The following NBAS variants were observed in gnomAD, a reference collection of about 807,000 sequenced individuals.
NBAS encodes NAG/BC035112 fusion.
Under a neutral mutation model 302.5 loss-of-function variants are expected in NBAS, and 219 were observed. The observed-to-expected ratio is 0.72, with a 90% confidence interval of 0.65 to 0.81. The LOEUF (loss-of-function observed/expected upper bound fraction) is 0.81, where lower values mean the gene tolerates loss of function less well. NBAS is among the 30% of genes least tolerant of loss of function. The pLI is 0.00. For missense variants in NBAS, 2,932 were observed against 2,841.6 expected (o/e 1.03, Z -0.72); for synonymous variants, 1,118 against 1,021.6 (o/e 1.09, Z -1.80).
chr2:15,476,334 T>C (rs1549015), intron 13 of NBAS, among the ~76,000 whole-genome samples: 92,170 of 151,864 alleles, frequency 0.61, 28,924 homozygotes, highest in Non-Finnish European at 0.68. Flanking sequence ...AAGACAGATA[T>C]GTAATAGTTT....
chr2:14,925,094 C>G, the NBAS span, among the ~76,000 whole-genome samples: 1 of 152,164 alleles, frequency 6.6e-6, no homozygotes, highest in Non-Finnish European at 1.5e-5. Flanking sequence ...GGTGTGTTCC[C>G]CAAGGAATTT....
the NBAS span, among the ~76,000 whole-genome samples, chr2:14,964,943 A>G: frequency 6.6e-6 from 1 of 152,170 alleles, no homozygotes; most frequent in Admixed American, 6.5e-5. Flanking sequence ...ATACCATATA[A>G]TCAAAGAATA....
intron 25 of NBAS, among the ~76,000 whole-genome samples, chr2:15,404,669 C>A (rs929333367): frequency 5.3e-5 from 8 of 151,974 alleles, no homozygotes; most frequent in African/African-American, 1.7e-4. Flanking sequence ...CCCACAATCA[C>A]ATCTGGCTAA....
the NBAS span, among the ~76,000 whole-genome samples, chr2:14,966,132 A>G: frequency 6.6e-6 from 1 of 152,212 alleles, no homozygotes; most frequent in African/African-American, 2.4e-5. Context: ...ACAAGGAAGG[A>G]TAAGTCCAAG....
the NBAS span, among the ~76,000 whole-genome samples, chr2:15,034,416 A>C: frequency 6.6e-6 from 1 of 152,156 alleles, no homozygotes; most frequent in Non-Finnish European, 1.5e-5. Context: ...GAGGGCCCTC[A>C]CCAGAATCAA....
intron 48 of NBAS, among the ~76,000 whole-genome samples, chr2:15,197,464 C>T (rs181126880): frequency 1.3e-5 from 2 of 152,298 alleles, no homozygotes; most frequent in Admixed American, 6.5e-5. Context: ...TCCACAAACA[C>T]TAACTGAGCA....
At chr2:15,533,685 T>TGTGC (rs1446287456) in intron 9 of NBAS, among the ~76,000 whole-genome samples, 1 of 11,272 alleles carries the variant, frequency 8.9e-5, no homozygotes, top group African/African-American at 4.9e-4. Context: ...TGTGCGTGTG[T>TGTGC]GTGTGTGTGT....
chr2:14,790,648 CCT>C, the NBAS span, among the ~76,000 whole-genome samples: 1 of 137,088 alleles, frequency 7.3e-6, no homozygotes, highest in Non-Finnish European at 1.5e-5. Flanking sequence ...AGAATTCATG[CCT>C]TTTTTTTTTT....
intron 45 of NBAS, 70 bp downstream of exon 45, chr2:15,238,398 G>A: frequency 6.7e-7 from 1 of 1,486,228 alleles, no homozygotes; most frequent in South Asian, 1.2e-5. Context: ...AACGACTAAT[G>A]TAACTTTCAA....
the NBAS span, among the ~76,000 whole-genome samples, chr2:15,018,074 G>A: frequency 6.6e-6 from 1 of 151,888 alleles, no homozygotes; most frequent in Non-Finnish European, 1.5e-5. Flanking sequence ...CTCGTATGTA[G>A]AAACTTAAAA....
chr2:15,169,849 G>C (rs1044691942), intron 51 of NBAS, among the ~76,000 whole-genome samples: 1 of 152,208 alleles, frequency 6.6e-6, no homozygotes, highest in Non-Finnish European at 1.5e-5. Flanking sequence ...CTCCAGCCAC[G>C]TGCATGCACA....
intron 40 of NBAS, 131 bp downstream of exon 40, chr2:15,308,085 G>T: frequency 7.2e-7 from 1 of 1,382,552 alleles, no homozygotes; most frequent in African/African-American, 1.4e-5. Context: ...AAAGCCAAGA[G>T]CTGCCTGCCA....
chr2:14,815,839 A>C, the NBAS span, among the ~76,000 whole-genome samples: 5 of 152,186 alleles, frequency 3.3e-5, no homozygotes, highest in Non-Finnish European at 5.9e-5. Flanking sequence ...CCTGTACAGC[A>C]ACATAACTAT....
intron 28 of NBAS, among the ~76,000 whole-genome samples, chr2:15,385,224 A>C (rs1206320498): frequency 6.6e-6 from 1 of 152,130 alleles, no homozygotes; most frequent in Non-Finnish European, 1.5e-5. Context: ...GGGTACATTA[A>C]CTCTTTAGCC....
chr2:14,843,759 G>C, the NBAS span, among the ~76,000 whole-genome samples: 2 of 152,142 alleles, frequency 1.3e-5, no homozygotes, highest in Non-Finnish European at 2.9e-5. Context: ...GCACTTAAGA[G>C]AGGGAGAGCA....
intron 21 of NBAS, among the ~76,000 whole-genome samples, chr2:15,454,319 T>C (rs373431806): frequency 4.6e-4 from 70 of 152,248 alleles, no homozygotes; most frequent in African/African-American, 1.7e-3. Flanking sequence ...AAATAGAGTT[T>C]ATTTCCAGAT....
chr2:15,409,380 GTC>G (rs1346165427), intron 25 of NBAS, among the ~76,000 whole-genome samples: 1 of 152,112 alleles, frequency 6.6e-6, no homozygotes, highest in Non-Finnish European at 1.5e-5. Context: ...GTCATCTCTA[GTC>G]TCTCTTCCTG....
chr2:15,083,048 C>T, the NBAS span, among the ~76,000 whole-genome samples: 1 of 152,178 alleles, frequency 6.6e-6, no homozygotes, highest in African/African-American at 2.4e-5. Context: ...CATGAGTCTC[C>T]CTGTAGTGGG....
In NBAS at chr2:15,369,917, A is replaced by G. The variant is rs16862532; in HGVS notation, c.3704-3224T>C. Among the ~76,000 whole-genome samples the G allele has an allele frequency of 0.029, 4,472 of 152,358 alleles. 378 individuals are homozygous for G. The East Asian group carries it at 0.31, about 11-fold the overall frequency. On this transcript the variant is annotated intron_variant, in intron 31 of 51. Coordinates refer to ENST00000281513, the MANE Select transcript of NBAS (RefSeq NM_015909.4). ...AATGCCCCTCAAAAGATAGCTGTGC[A>G]ATATCAATTGCAGTCACTTGGGAAT...
Sources: gnomAD v4.1 joint callset for allele counts (sites outside exome capture counted in the v4.1 genomes callset) on GRCh38, gnomAD v4.1.1 for gene constraint, MANE v1.5 for transcripts, NCBI Gene and HGNC (gene_info 2026-07-23, HGNC 2026-07-21) for gene names.